AKT3: variants seen among roughly 807,000 people sequenced by gnomAD.
AKT3 encodes the protein AKT serine/threonine kinase 3, also known as RAC-gamma serine/threonine-protein kinase.
AKT3 carries 15 observed loss-of-function variants against 65.3 expected under a neutral mutation model. That is an observed-to-expected ratio of 0.23 (90% confidence interval 0.15 to 0.35). AKT3 has a LOEUF of 0.35. AKT3 is among the 10% of genes least tolerant of loss of function. AKT3 has a pLI of 1.00. For synonymous variants in AKT3, 206 were observed against 183.8 expected (o/e 1.12, Z -0.98); for missense variants, 243 against 576.5 (o/e 0.42, Z 5.92).
intron 2 of AKT3, among the ~76,000 whole-genome samples, chr1:243,774,651 GA>G (rs796809751): frequency 5.3e-5 from 8 of 152,264 alleles, no homozygotes; most frequent in African/African-American, 1.9e-4. Flanking sequence ...TACAGCCAAA[GA>G]AAAGATCTAC....
At chr1:243,607,195 C>T (rs1325830753) in intron 8 of AKT3, among the ~76,000 whole-genome samples, 1 of 152,218 alleles carries the variant, frequency 6.6e-6, no homozygotes, top group East Asian at 1.9e-4. Flanking sequence ...AGAAGAGGGT[C>T]ACTGTCCTCC....
At chr1:243,497,702 C>T (rs185728921), downstream of AKT3, among the ~76,000 whole-genome samples, 10 of 152,298 alleles carry the variant, frequency 6.6e-5, no homozygotes, top group Admixed American at 2.0e-4. Context: ...CAGGTCTTTA[C>T]GCCTATTCTG....
intron 12 of AKT3, among the ~76,000 whole-genome samples, chr1:243,525,913 A>G (rs939839705): frequency 6.7e-6 from 1 of 148,670 alleles, no homozygotes; most frequent in Non-Finnish European, 1.5e-5. Context: ...AAAGTTAAAG[A>G]AGGATATGCA....
intron 2 of AKT3, among the ~76,000 whole-genome samples, chr1:243,791,307 A>G (rs1443476336): frequency 6.7e-6 from 1 of 149,656 alleles, no homozygotes; most frequent in East Asian, 2.0e-4. Context: ...TTTCTCAAGT[A>G]TTTTTGACAC....
intron 8 of AKT3, among the ~76,000 whole-genome samples, chr1:243,591,076 T>C (rs879310856): frequency 1.3e-4 from 20 of 152,250 alleles, no homozygotes; most frequent in Admixed American, 3.9e-4. Flanking sequence ...CCAAGGTATC[T>C]AGAATTCATG....
intron 2 of AKT3, among the ~76,000 whole-genome samples, chr1:243,724,813 A>C (rs1287558635): frequency 6.6e-6 from 1 of 152,216 alleles, no homozygotes; most frequent in African/African-American, 2.4e-5. Context: ...TCTGGCCAAC[A>C]AAATACTTTC....
chr1:243,787,972 G>A (rs953592356), intron 2 of AKT3, among the ~76,000 whole-genome samples: 6 of 152,140 alleles, frequency 3.9e-5, no homozygotes, highest in Non-Finnish European at 5.9e-5. Flanking sequence ...ATAGTGTGTC[G>A]ACAAAGCTTG....
downstream of AKT3, among the ~76,000 whole-genome samples, chr1:243,496,106 T>C (rs547865104): frequency 3.3e-5 from 5 of 152,356 alleles, no homozygotes; most frequent in East Asian, 1.9e-4. Context: ...CTGAGATCAT[T>C]GTGGGCTTGA....
intron 2 of AKT3, among the ~76,000 whole-genome samples, chr1:243,699,378 A>C (rs1447724813): frequency 6.7e-6 from 1 of 150,142 alleles, no homozygotes; most frequent in Non-Finnish European, 1.5e-5. Flanking sequence ...ACCAATATAC[A>C]TCCAAATAGT....
rs779355894 is a variant in AKT3 at position 243,573,046 on chromosome 1, C to T, written c.699G>A (p.Leu233=). 1.2e-6 allele frequency: 2 copies of T among 1,612,704 alleles called. No individual in the cohort carries two copies. Among genetic ancestry groups the T allele is most frequent in the African/African-American group, 2.7e-5 (2 of 74,728 alleles). ...FVMEYVNGGE[L]FFHLSRERVF... Reference sequence around the variant, plus strand: ...CCCGCTCTCTCGACAAATGGAAAAACAGCTGCAGGGTAAACAGCAGGGACA... The same window carrying T: ...CCCGCTCTCTCGACAAATGGAAAAATAGCTGCAGGGTAAACAGCAGGGACA... The change falls in exon 9 of 14, where the codon CTG becomes CTA. Residue 233 remains leucine (L), a splice_region_variant and synonymous_variant. Transcript: ENST00000673466.
At chr1:243,613,873 T>C in intron 7 of AKT3, 134 bp from the exon 8 acceptor site, 1 of 521,350 alleles carries the variant, frequency 1.9e-6, no homozygotes, top group Non-Finnish European at 3.2e-6. Flanking sequence ...AGAGTTTATT[T>C]ACTACTTAAA....
chr1:243,622,052 T>A (rs1408734923), intron 6 of AKT3, among the ~76,000 whole-genome samples: 1 of 152,222 alleles, frequency 6.6e-6, no homozygotes, highest in Non-Finnish European at 1.5e-5. Flanking sequence ...CTACACGGCA[T>A]AAAAATTTCC....
chr1:243,829,481 T>A (rs1694369681), intron 2 of AKT3, among the ~76,000 whole-genome samples: 1 of 151,958 alleles, frequency 6.6e-6, no homozygotes, highest in African/African-American at 2.4e-5. Context: ...AGAAAAATAT[T>A]CACAACAAAA....
At chr1:243,705,579 T>G (rs1685746182) in intron 2 of AKT3, among the ~76,000 whole-genome samples, 1 of 152,174 alleles carries the variant, frequency 6.6e-6, no homozygotes, top group Non-Finnish European at 1.5e-5. Flanking sequence ...AGAGTTACAG[T>G]ACCCAGTTTT....
At chr1:243,545,679 G>T in intron 11 of AKT3, 82 bp from the exon 12 acceptor site, 1 of 979,244 alleles carries the variant, frequency 1.0e-6, no homozygotes, top group Non-Finnish European at 1.6e-6. Flanking sequence ...TTGTGAAAGT[G>T]TAATTTTCTG....
chr1:243,587,780 AT>A (rs1675915788), intron 8 of AKT3, among the ~76,000 whole-genome samples: 1 of 152,276 alleles, frequency 6.6e-6, no homozygotes, highest in East Asian at 1.9e-4. Flanking sequence ...TAAATTTCAG[AT>A]TTTTTAGTAT....
chr1:243,624,771 C>CTGTA (rs1222894698), intron 6 of AKT3: 1 of 204,062 alleles, frequency 4.9e-6, no homozygotes, highest in Non-Finnish European at 1.1e-5. Context: ...CATCCCATTT[C>CTGTA]TGTATGTGAA....
intron 2 of AKT3, among the ~76,000 whole-genome samples, chr1:243,712,895 C>T (rs1686249327): frequency 6.6e-6 from 1 of 152,118 alleles, no homozygotes; most frequent in African/African-American, 2.4e-5. Flanking sequence ...ACAACCAACT[C>T]ATTAATGCTT....
Position 243,500,536 on chromosome 1 carries a change from T to C in AKT3, c.*4713A>G, listed in dbSNP as rs1669178541. The C allele has an allele frequency of 4.4e-6, 1 of 227,340 alleles. No homozygotes were observed. The highest frequency in any genetic ancestry group is 2.2e-5 in the African/African-American group (1 of 45,032). The allele number at this position is 227,340 out of a possible 1,614,324, so 14.1% of individuals were successfully genotyped here. A position where few individuals can be genotyped will look rare whatever the true frequency, so the allele number is the denominator to read the frequency against. Reference sequence around the variant, plus strand: ...TTTGTCTAAAATAGTATTTCTACTATACACAATTAAGCCCTCAAATGCTTT... The same window carrying C: ...TTTGTCTAAAATAGTATTTCTACTACACACAATTAAGCCCTCAAATGCTTT... On this transcript the variant is annotated 3_prime_UTR_variant, in exon 14 of 14. Coordinates refer to ENST00000673466, the MANE Select transcript of AKT3 (RefSeq NM_005465.7).
Sources: allele counts gnomAD v4.1 joint callset (sites outside exome capture counted in the v4.1 genomes callset), GRCh38; gene constraint gnomAD v4.1.1; transcripts MANE v1.5; gene names NCBI Gene and HGNC (gene_info 2026-07-23, HGNC 2026-07-21).